Variants in KATNIP observed in about 807,000 individuals in gnomAD.
The protein encoded by KATNIP is katanin interacting protein, also known as katanin-interacting protein.
Under a neutral mutation model 174.0 loss-of-function variants are expected in KATNIP, and 126 were observed. The observed-to-expected ratio is 0.72, with a 90% CI of 0.63 to 0.84. The LOEUF (loss-of-function observed/expected upper bound fraction) is 0.84. Among genes scored for constraint, KATNIP ranks in the 40% least tolerant of loss-of-function variants. The pLI is 0.00. For synonymous variants in KATNIP, 810 were observed against 835.7 expected (o/e 0.97, Z 0.53); for missense variants, 1,958 against 2,109.7 (o/e 0.93, Z 1.41).
In KATNIP at chr16:27,750,155, G is replaced by A. The variant is rs375758778; in HGVS notation, c.3195G>A (p.Thr1065=). The A allele has an allele frequency of 2.2e-5, 35 of 1,613,944 alleles. No homozygotes were observed. Among genetic ancestry groups the A allele is most frequent in the African/African-American group, 8.0e-5 (6 of 74,880 alleles). Residue 1065 remains threonine (T), a synonymous_variant, in exon 16 of 28, where the codon ACG becomes ACA. Transcript: ENST00000261588. ...CCCACTCCATCACCATTGACTTCAC[G>A]CACCCTTGCCACGTTGCCCTGATCA... ...GRSHSITIDF[T]HPCHVALIRI...
chr16:27,574,909 G>A (rs550361030), intron 2 of KATNIP, among the ~76,000 whole-genome samples: 2 of 152,272 alleles, frequency 1.3e-5, no homozygotes, highest in East Asian at 3.9e-4. Context: ...TGGGGAAATA[G>A]ATCTCACCTC....
intron 14 of KATNIP, among the ~76,000 whole-genome samples, chr16:27,734,826 A>G (rs2080840024): frequency 6.6e-6 from 1 of 152,218 alleles, no homozygotes; most frequent in Admixed American, 6.5e-5. Context: ...CCACAGAAAG[A>G]TGGTGGTTAA....
intron 14 of KATNIP, among the ~76,000 whole-genome samples, chr16:27,732,366 C>T (rs954460834): frequency 1.1e-4 from 16 of 152,172 alleles, no homozygotes; most frequent in Admixed American, 9.8e-4. Flanking sequence ...CCAAGGGACA[C>T]GTAAAAGACC....
chr16:27,704,347 G>A (rs1490898682), intron 12 of KATNIP, among the ~76,000 whole-genome samples: 1 of 152,202 alleles, frequency 6.6e-6, no homozygotes, highest in Non-Finnish European at 1.5e-5. Context: ...AATTATTTCT[G>A]ATGATAACCT....
intron 6 of KATNIP, among the ~76,000 whole-genome samples, chr16:27,655,920 GGTATTCAGAGGTGAC>G (rs1337219636): frequency 6.6e-6 from 1 of 152,132 alleles, no homozygotes; most frequent in Non-Finnish European, 1.5e-5. Flanking sequence ...CCAGGAGCAA[GGTATTCAGAGGTGAC>G]CATCCATCAG....
At chr16:27,756,298 T>C (rs1353854362) in intron 18 of KATNIP, among the ~76,000 whole-genome samples, 2 of 152,182 alleles carry the variant, frequency 1.3e-5, no homozygotes, top group Non-Finnish European at 2.9e-5. Context: ...TACTTTCGAA[T>C]AGCAGCAGTT....
At chr16:27,631,249 C>T in intron 5 of KATNIP, 87 bp downstream of exon 5, 1 of 1,033,056 alleles carries the variant, frequency 9.7e-7, no homozygotes, top group Non-Finnish European at 1.5e-6. Context: ...GCATTTAAAA[C>T]CCCCATGGGC....
intron 14 of KATNIP, 91 bp downstream of exon 14, chr16:27,721,786 T>C (rs2080254323): frequency 9.7e-6 from 14 of 1,445,694 alleles, no homozygotes; most frequent in Non-Finnish European, 1.3e-5. Flanking sequence ...AGTTGCAAAA[T>C]GGATACACGG....
At chr16:27,737,567 G>T (rs1396625377) in intron 14 of KATNIP, among the ~76,000 whole-genome samples, 1 of 152,072 alleles carries the variant, frequency 6.6e-6, no homozygotes, top group Admixed American at 6.5e-5. Flanking sequence ...CACTCGGGAG[G>T]CCTAGGACTG....
At chr16:27,628,041 C>T (rs1180463585) in intron 3 of KATNIP, among the ~76,000 whole-genome samples, 8 of 152,202 alleles carry the variant, frequency 5.3e-5, no homozygotes, top group Admixed American at 4.6e-4. Context: ...TATTGTTAAC[C>T]TTGAACCAAC....
In KATNIP at chr16:27,769,974, C is replaced by G. The variant is rs202117354; in HGVS notation, c.4089C>G (p.Phe1363Leu). 6.2e-7 allele frequency: 1 copy of G among 1,614,234 alleles called. No individual in the cohort carries two copies. The highest frequency in any genetic ancestry group is 8.5e-7 in the Non-Finnish European group (1 of 1,180,036). The change falls in exon 21 of 28, where the codon TTC becomes TTG. Residue 1363 changes from phenylalanine to leucine, a missense_variant. Around this residue, in one of 3 missense-constraint regions of KATNIP, gnomAD observed 383 missense variants for 456.0 expected, o/e 0.84. Transcript: ENST00000261588. The part of the protein sequence containing the change: ...CHFDFAQEIL[F>L]VDYLRAQLLP... ...TTGATTTTGCTCAAGAAATCCTCTTCGTGGACTACCTACGGGCTCAGCTGC... is the reference window on the plus strand; with the variant it reads ...TTGATTTTGCTCAAGAAATCCTCTTGGTGGACTACCTACGGGCTCAGCTGC...
chr16:27,755,991 C>T (rs951043161), intron 18 of KATNIP, among the ~76,000 whole-genome samples: 10 of 152,062 alleles, frequency 6.6e-5, no homozygotes, highest in African/African-American at 2.4e-4. Flanking sequence ...AGTCAAGAGC[C>T]TCAGTGGTGA....
chr16:27,569,899 T>C (rs1045755913), intron 1 of KATNIP, among the ~76,000 whole-genome samples: 2 of 152,206 alleles, frequency 1.3e-5, no homozygotes, highest in African/African-American at 4.8e-5. Flanking sequence ...TGTTTTATTT[T>C]ATTTTATTCT....
chr16:27,759,146 T>G (rs762241214), intron 18 of KATNIP, among the ~76,000 whole-genome samples: 1 of 152,220 alleles, frequency 6.6e-6, no homozygotes, highest in Non-Finnish European at 1.5e-5. Flanking sequence ...TAAGCACTGT[T>G]CTGGGCTCCG....
intron 6 of KATNIP, among the ~76,000 whole-genome samples, chr16:27,675,374 GGATT>G (rs1363042274): frequency 6.6e-6 from 1 of 152,026 alleles, no homozygotes. Context: ...TGACACATGG[GGATT>G]ATTACAGTTC....
intron 22 of KATNIP, 146 bp from the exon 23 acceptor site, chr16:27,772,953 G>T: frequency 1.7e-6 from 1 of 599,178 alleles, no homozygotes; most frequent in East Asian, 2.8e-5. Flanking sequence ...CCTATATTTT[G>T]ATAGGCTCTA....
At chr16:27,636,231 C>T (rs997111314) in intron 5 of KATNIP, among the ~76,000 whole-genome samples, 21 of 152,310 alleles carry the variant, frequency 1.4e-4, no homozygotes, top group East Asian at 7.7e-4. Flanking sequence ...TCCTCCTCCC[C>T]ACTAGGCAGC....
At position 27,780,298 on chromosome 16, in the gene KATNIP, C is replaced by T. The variant is rs2082639927; in HGVS notation, c.*1669C>T. 6.6e-6 allele frequency: 1 copy of T among 152,188 alleles called. No individual in the cohort carries two copies. The highest frequency in any genetic ancestry group is 2.4e-5 in the African/African-American group (1 of 41,444). The allele number at this position is 152,188 out of a possible 1,614,324, so 9.4% of individuals were successfully genotyped here. The stretch of plus-strand genomic sequence containing the variant: ...TTTAGGAGGGGAAAAAAAGGCTGTA[C>T]AAGCTTTAACTCTAAAATAAATTTC... On this transcript the variant is annotated 3_prime_UTR_variant, in exon 28 of 28. Transcript: ENST00000261588.
chr16:27,559,988 T>A (rs565843758), intron 1 of KATNIP, among the ~76,000 whole-genome samples: 14 of 130,294 alleles, frequency 1.1e-4, no homozygotes, highest in East Asian at 2.4e-4. Context: ...ATAAAAAAAA[T>A]AAATAAATAA....
Sources: gnomAD v4.1 joint callset for allele counts (sites outside exome capture counted in the v4.1 genomes callset) on GRCh38, gnomAD v4.1.1 for gene constraint, gnomAD v4.1.1 regional missense constraint, MANE v1.5 for transcripts, NCBI Gene and HGNC (gene_info 2026-07-23, HGNC 2026-07-21) for gene names.